FLRT2: variants seen among roughly 807,000 people sequenced by gnomAD.
FLRT2 encodes the protein leucine-rich repeat transmembrane protein FLRT2.
In FLRT2, 15 loss-of-function variants were observed where a neutral mutation model predicts 40.0. The ratio of observed to expected loss-of-function variants is 0.38; its 90% CI spans 0.25 to 0.58. The LOEUF is 0.58. Ranked by LOEUF, FLRT2 falls within the 20% of genes least tolerant of loss-of-function variation. FLRT2 has a pLI of 0.71. For missense variants in FLRT2, 726 were observed against 840.0 expected (o/e 0.86, Z 1.68); for synonymous variants, 380 against 336.8 (o/e 1.13, Z -1.41).
Position 85,629,214 on chromosome 14 carries a change from A to T in FLRT2, c.*5717A>T, listed in dbSNP as rs932925090. 6.6e-6 allele frequency: 1 copy of T among 152,184 alleles called. No homozygotes were observed. The highest frequency in any genetic ancestry group is 1.5e-5 in the Non-Finnish European group (1 of 68,026). 9.4% of individuals were successfully genotyped at this position (152,184 alleles called of 1,614,324 possible). On this transcript the variant is annotated 3_prime_UTR_variant, in exon 2 of 2. Coordinates refer to ENST00000330753, the MANE Select transcript of FLRT2 (RefSeq NM_013231.6). ...AAATTGACAGGACATCTAAGGTGAC[A>T]AAAGAGATGTTTCTACCTGTTGGTA...
At chr14:85,597,953 G>A (rs527261190) in intron 1 of FLRT2, among the ~76,000 whole-genome samples, 1 of 152,290 alleles carries the variant, frequency 6.6e-6, no homozygotes, top group African/African-American at 2.4e-5. Context: ...TTTATTTACA[G>A]TCAGAAACAT....
intron 1 of FLRT2, among the ~76,000 whole-genome samples, chr14:85,559,907 A>G (rs1424079195): frequency 1.3e-5 from 2 of 152,114 alleles, no homozygotes; most frequent in Non-Finnish European, 2.9e-5. Flanking sequence ...GATCACTCTC[A>G]CTTCATGTGG....
At position 85,623,227 on chromosome 14, in the gene FLRT2, C is replaced by A. The variant is rs138415682; in HGVS notation, c.1713C>A (p.Arg571=). Residue 571 remains arginine (R), a synonymous_variant, in exon 2 of 2, where the codon CGC becomes CGA. Transcript: ENST00000330753. ...VFCWHMHKKG[R]YTSQKWKYNR... ...GCTGGCATATGCACAAAAAGGGGCGCTACACCTCCCAGAAGTGGAAATACA... is the reference window on the plus strand; with the variant it reads ...GCTGGCATATGCACAAAAAGGGGCGATACACCTCCCAGAAGTGGAAATACA... 4.7e-4 allele frequency: 715 copies of A among 1,528,188 alleles called. 6 individuals carry two copies. In the African/African-American group the frequency reaches 8.9e-3, roughly 19 times the overall value. 94.7% of individuals were successfully genotyped at this position (1,528,188 alleles called of 1,614,324 possible). A position where few individuals can be genotyped will look rare whatever the true frequency, so the allele number is the denominator to read the frequency against.
chr14:85,588,120 A>G (rs1453658462), intron 1 of FLRT2, among the ~76,000 whole-genome samples: 1 of 152,140 alleles, frequency 6.6e-6, no homozygotes, highest in Admixed American at 6.5e-5. Flanking sequence ...ATATTGCAGA[A>G]CGAAACAAGT....
rs112887605 is a variant in FLRT2 at position 85,547,974 on chromosome 14, A to G, written c.-377+17440A>G. ...ATTAGCTTCTCCAAATGAAGCAATC[A>G]GATATGCATTTATCTCAGTGAGCAG... On this transcript the variant is annotated intron_variant, in intron 1 of 1. Coordinates refer to ENST00000330753, the MANE Select transcript of FLRT2 (RefSeq NM_013231.6). Among the ~76,000 whole-genome samples the G allele has an allele frequency of 3.9e-3, 594 of 152,352 alleles. 4 individuals are homozygous for G. The highest frequency in any genetic ancestry group is 0.014 in the African/African-American group (575 of 41,594).
chr14:85,562,576 G>A (rs1179904790), intron 1 of FLRT2: 1 of 148,794 alleles, frequency 6.7e-6, no homozygotes, highest in African/African-American at 2.5e-5. Context: ...TTAGTTACTT[G>A]AAGCTGGTTC....
chr14:85,541,281 T>G (rs1838640668), intron 1 of FLRT2, among the ~76,000 whole-genome samples: 1 of 152,168 alleles, frequency 6.6e-6, no homozygotes, highest in Non-Finnish European at 1.5e-5. Flanking sequence ...GAGATGATTT[T>G]TAGCACTATC....
At chr14:85,557,344 T>C (rs1890035045) in intron 1 of FLRT2, among the ~76,000 whole-genome samples, 1 of 152,140 alleles carries the variant, frequency 6.6e-6, no homozygotes, top group Non-Finnish European at 1.5e-5. Flanking sequence ...ATTCATCTTG[T>C]AATACCTCTG....
At position 85,652,257 on chromosome 14, in the gene FLRT2, A is replaced by C. The variant is rs981391871; in HGVS notation, c.*28760A>C. 3.9e-5 allele frequency: 6 copies of C among 152,144 alleles called. No homozygotes were observed. Among genetic ancestry groups the C allele is most frequent in the Non-Finnish European group, 5.9e-5 (4 of 67,984 alleles). The allele number at this position is 152,144 out of a possible 1,614,324, so 9.4% of individuals were successfully genotyped here. A position where few individuals can be genotyped will look rare whatever the true frequency, so the allele number is the denominator to read the frequency against. Reference sequence around the variant, plus strand: ...TGATTTGAGTTTATGTATTATTTGAAGAATCTCTAAATAGCACTATTAAGT... The same window carrying C: ...TGATTTGAGTTTATGTATTATTTGACGAATCTCTAAATAGCACTATTAAGT... On this transcript the variant is annotated 3_prime_UTR_variant, in exon 2 of 2. Coordinates refer to ENST00000330753, the MANE Select transcript of FLRT2 (RefSeq NM_013231.6).
rs1199567554 is a variant in FLRT2 at position 85,624,491 on chromosome 14, TACA to T, written c.*999_*1001del. 6.0e-6 allele frequency: 1 copy of T among 167,018 alleles called. No homozygotes were observed. Among genetic ancestry groups the T allele is most frequent in the East Asian group, 1.9e-4 (1 of 5,204 alleles). 10.3% of individuals were successfully genotyped at this position (167,018 alleles called of 1,614,324 possible). ...CAACAGGTGATCAATGTTTGGAAAA[TACA>T]ACAATGACTTATTTAAAAATTACCC... On this transcript the variant is annotated 3_prime_UTR_variant, in exon 2 of 2. Transcript: ENST00000330753.
chr14:85,622,783 A>C lies in FLRT2; in HGVS notation c.1269A>C (p.Glu423Asp), dbSNP rs34945381. The C allele has an allele frequency of 5.0e-6, 8 of 1,613,990 alleles. No individual in the cohort carries two copies. Among genetic ancestry groups the C allele is most frequent in the Non-Finnish European group, 6.8e-6 (8 of 1,180,024 alleles). The change falls in exon 2 of 2, where the codon GAA (glutamate) becomes GAC (aspartate). Residue 423 changes from glutamate (E) to aspartate (D), a missense_variant. Coordinates refer to ENST00000330753, the MANE Select transcript of FLRT2 (RefSeq NM_013231.6). Reference sequence around the variant, plus strand: ...AAAGAGTGACCCCACCTATTTCTGAACGGATCCAGCTCTCTATCCATTTTG... The same window carrying C: ...AAAGAGTGACCCCACCTATTTCTGACCGGATCCAGCTCTCTATCCATTTTG... ...GRERVTPPIS[E>D]RIQLSIHFVN...
intron 1 of FLRT2, among the ~76,000 whole-genome samples, chr14:85,619,665 T>G (rs1893297389): frequency 6.6e-6 from 1 of 152,206 alleles, no homozygotes; most frequent in Non-Finnish European, 1.5e-5. Flanking sequence ...AGTTCCTCTA[T>G]GCTTTTAGAT....
intron 1 of FLRT2, among the ~76,000 whole-genome samples, chr14:85,574,264 G>A (rs911876017): frequency 2.0e-5 from 3 of 150,882 alleles, no homozygotes; most frequent in African/African-American, 4.9e-5. Context: ...AAACATATAT[G>A]TATAATAGTA....
intron 1 of FLRT2, among the ~76,000 whole-genome samples, chr14:85,550,460 A>G (rs1889550921): frequency 6.6e-6 from 1 of 152,230 alleles, no homozygotes; most frequent in Admixed American, 6.5e-5. Flanking sequence ...ATGTGACGTG[A>G]TATGAGACAC....
At chr14:85,594,808 C>T (rs1444257673) in intron 1 of FLRT2, among the ~76,000 whole-genome samples, 1 of 152,104 alleles carries the variant, frequency 6.6e-6, no homozygotes, top group Non-Finnish European at 1.5e-5. Flanking sequence ...TTTGACTCCC[C>T]CAGAATTTAA....
Position 85,547,504 on chromosome 14 carries a change from A to G in FLRT2, c.-377+16970A>G, listed in dbSNP as rs746481261. Among the ~76,000 whole-genome samples the G allele has an allele frequency of 1.5e-4, 23 of 151,780 alleles. No individual in the cohort carries two copies. The East Asian group carries it at 2.3e-3, about 15-fold the overall frequency. On this transcript the variant is annotated intron_variant, in intron 1 of 1. Coordinates refer to ENST00000330753, the MANE Select transcript of FLRT2 (RefSeq NM_013231.6). ...ACACCCGGCTAACTTTTCTATTTTT[A>G]GTAGAGATGGGGTTTCACCACGTTG...
At chr14:85,548,277 A>G (rs1566721084) in intron 1 of FLRT2, among the ~76,000 whole-genome samples, 1 of 152,234 alleles carries the variant, frequency 6.6e-6, no homozygotes, top group Non-Finnish European at 1.5e-5. Context: ...AAGTTTGCAC[A>G]AATAACTCTG....
chr14:85,641,946 T>C lies in FLRT2; in HGVS notation c.*18449T>C, dbSNP rs1894159028. ...GCCAAGGCTTTGGTGACCAATGTGA[T>C]TGCTTCAGAATTTTATGATGAGAAT... On this transcript the variant is annotated 3_prime_UTR_variant, in exon 2 of 2. Coordinates refer to ENST00000330753, the MANE Select transcript of FLRT2 (RefSeq NM_013231.6). 1 of 152,142 alleles carries C rather than the reference T, an allele frequency of 6.6e-6. No individual in the cohort carries two copies. The highest frequency in any genetic ancestry group is 2.4e-5 in the African/African-American group (1 of 41,432). The allele number at this position is 152,142 out of a possible 1,614,324, so 9.4% of individuals were successfully genotyped here.
At position 85,636,783 on chromosome 14, in the gene FLRT2, G is replaced by A. The variant is rs141710179; in HGVS notation, c.*13286G>A. ...GCCTTTACTAAAAATACAAAAATTA[G>A]CAGGGTATGGTGGCAGGCGCCTGTT... On this transcript the variant is annotated 3_prime_UTR_variant, in exon 2 of 2. Transcript: ENST00000330753. The A allele has an allele frequency of 0.024, 3,661 of 151,880 alleles. 84 individuals are homozygous for A. The highest frequency in any genetic ancestry group is 0.098 in the East Asian group (503 of 5,132). The allele number at this position is 151,880 out of a possible 1,614,324, so 9.4% of individuals were successfully genotyped here.
Sources: gnomAD v4.1 joint callset for allele counts (sites outside exome capture counted in the v4.1 genomes callset) on GRCh38, gnomAD v4.1.1 for gene constraint, MANE v1.5 for transcripts, NCBI Gene and HGNC (gene_info 2026-07-23, HGNC 2026-07-21) for gene names.